Variants in XKR7 observed in about 807,000 individuals in gnomAD.
XKR7 encodes XK-related protein 7.
Under a neutral mutation model 42.2 loss-of-function variants are expected in XKR7, and 11 were observed. That is an observed-to-expected ratio of 0.26 (90% CI 0.16 to 0.43). XKR7 has a LOEUF of 0.43. Ranked by LOEUF, XKR7 falls within the 20% of genes least tolerant of loss-of-function variation. The probability of loss-of-function intolerance (pLI) is 1.00; values close to 1 mark genes in which losing one functional copy is unlikely to be tolerated. For missense variants in XKR7, 710 were observed against 802.2 expected (o/e 0.89, Z 1.39); for synonymous variants, 346 against 366.4 (o/e 0.94, Z 0.64).
chr20:31,973,787 A>G (rs6061067), intron 1 of XKR7, among the ~76,000 whole-genome samples: 8 of 152,306 alleles, frequency 5.3e-5, no homozygotes, highest in Non-Finnish European at 1.2e-4. Context: ...AGGCCATGGC[A>G]AGGACTAGGG....
intron 1 of XKR7, among the ~76,000 whole-genome samples, chr20:31,981,320 G>A (rs112557142): frequency 6.6e-5 from 10 of 152,172 alleles, no homozygotes; most frequent in South Asian, 2.1e-4. Flanking sequence ...GGGTTGCGGC[G>A]AGCTGAGATG....
Position 31,996,488 on chromosome 20 carries a change from C to A in XKR7, c.788-17C>A. 7.7e-7 allele frequency: 1 copy of A among 1,298,166 alleles called. No individual in the cohort carries two copies. Among genetic ancestry groups the A allele is most frequent in the Non-Finnish European group, 1.0e-6 (1 of 993,672 alleles). 80.4% of individuals were successfully genotyped at this position (1,298,166 alleles called of 1,614,324 possible). On this transcript the variant is annotated splice_polypyrimidine_tract_variant and intron_variant, in intron 2 of 2. Coordinates refer to ENST00000562532, the MANE Select transcript of XKR7 (RefSeq NM_001011718.2). ...GCCCCTAACCCAGCCCACCCCGCCC[C>A]TGCCCTGTCTCCACAGCCCTCTCCA...
intron 1 of XKR7, among the ~76,000 whole-genome samples, chr20:31,984,028 G>A (rs1207312928): frequency 1.3e-5 from 2 of 151,684 alleles, no homozygotes; most frequent in Admixed American, 6.6e-5. Context: ...TTGGGAGGCC[G>A]AGTCAAGTGG....
intron 1 of XKR7, among the ~76,000 whole-genome samples, chr20:31,985,366 G>T (rs1195597981): frequency 6.6e-6 from 1 of 152,150 alleles, no homozygotes; most frequent in African/African-American, 2.4e-5. Flanking sequence ...ACTCGGAAAT[G>T]CTGAGACCGA....
In XKR7 at chr20:32,001,496, CCT is replaced by C. The variant is rs1482812660; in HGVS notation, c.*4042_*4043del. ...AAGTCAGGGACAGAGGCTGTGGCTC[CCT>C]CTGAGACTTTGCTAGTCCAACCCTA... On this transcript the variant is annotated 3_prime_UTR_variant, in exon 3 of 3. Transcript: ENST00000562532. 1 of 152,168 alleles carries C rather than the reference CCT, an allele frequency of 6.6e-6. No individual in the cohort carries two copies. The highest frequency in any genetic ancestry group is 1.9e-4 in the East Asian group (1 of 5,188). The allele number at this position is 152,168 out of a possible 1,614,324, so 9.4% of individuals were successfully genotyped here. A position where few individuals can be genotyped will look rare whatever the true frequency, so the allele number is the denominator to read the frequency against.
At chr20:31,987,789 G>A (rs144713178) in intron 1 of XKR7, among the ~76,000 whole-genome samples, 286 of 152,302 alleles carry the variant, frequency 1.9e-3, no homozygotes, top group African/African-American at 6.8e-3. Flanking sequence ...GAAGCTCCTG[G>A]CCTCTAAGGG....
chr20:31,973,816 C>T lies in XKR7; in HGVS notation c.584+5057C>T, dbSNP rs555120075. Among the ~76,000 whole-genome samples the T allele has an allele frequency of 1.9e-4, 29 of 152,236 alleles. 1 individual carries two copies. Among genetic ancestry groups the T allele is most frequent in the African/African-American group, 6.7e-4 (28 of 41,534 alleles). On this transcript the variant is annotated intron_variant, in intron 1 of 2. Transcript: ENST00000562532. ...ACTAGGGCTTTTACTCTTCATGACA[C>T]GGGGAGCCCAGGATAATTTGGCCAG...
intron 1 of XKR7, among the ~76,000 whole-genome samples, chr20:31,978,254 C>T (rs1010652821): frequency 6.6e-6 from 1 of 152,130 alleles, no homozygotes; most frequent in African/African-American, 2.4e-5. Flanking sequence ...TACAGGTACA[C>T]ACCACCATGC....
chr20:31,990,777 A>AT (rs72387046), intron 1 of XKR7, among the ~76,000 whole-genome samples: 2,346 of 149,562 alleles, frequency 0.016, 53 homozygotes, highest in African/African-American at 0.054. Context: ...TTTGGAGCCA[A>AT]TTTTTTTTTT....
rs1439160905 is a variant in XKR7 at position 31,983,718 on chromosome 20, AGGC to A, written c.585-11347_585-11345del. ...TCCTAGCAGTTTGGGAGGCCGAGGC[AGGC>A]GGATCACCTGAGGTCAGGAGTTCGA... On this transcript the variant is annotated intron_variant, in intron 1 of 2. Transcript: ENST00000562532. Among the ~76,000 whole-genome samples, 22 of 152,256 alleles carry A rather than the reference AGGC, an allele frequency of 1.4e-4. No individual in the cohort carries two copies. In the South Asian group the frequency reaches 4.6e-3, roughly 32 times the overall value.
At chr20:31,991,184 C>T (rs564653564) in intron 1 of XKR7, among the ~76,000 whole-genome samples, 1 of 152,202 alleles carries the variant, frequency 6.6e-6, no homozygotes, top group Non-Finnish European at 1.5e-5. Flanking sequence ...GACCCGGGCC[C>T]GGAAACAGAT....
chr20:31,987,345 C>T (rs2064547141), intron 1 of XKR7, among the ~76,000 whole-genome samples: 1 of 149,862 alleles, frequency 6.7e-6, no homozygotes, highest in Admixed American at 6.6e-5. Context: ...ACCAAGCAGA[C>T]CCAGCATCCA....
At chr20:31,977,659 G>A (rs1600656856) in intron 1 of XKR7, among the ~76,000 whole-genome samples, 1 of 152,188 alleles carries the variant, frequency 6.6e-6, no homozygotes, top group African/African-American at 2.4e-5. Flanking sequence ...ATGGGGTTAG[G>A]ACAGGGGCAT....
intron 1 of XKR7, among the ~76,000 whole-genome samples, chr20:31,990,214 G>GT (rs1491566309): frequency 6.7e-6 from 1 of 148,474 alleles, no homozygotes; most frequent in Admixed American, 6.7e-5. Flanking sequence ...GTGTGTGTGT[G>GT]GAAACAGGGA....
At chr20:31,994,557 TTAGCCTGGTGTAGTGGTA>T (rs2064582592) in intron 1 of XKR7, among the ~76,000 whole-genome samples, 1 of 152,082 alleles carries the variant, frequency 6.6e-6, no homozygotes, top group Non-Finnish European at 1.5e-5. Flanking sequence ...AATTTAAAAA[TTAGCCTGGTGTAGTGGTA>T]CATGCCTGCA....
chr20:31,995,121 T>C lies in XKR7; in HGVS notation c.638T>C (p.Leu213Pro), dbSNP rs2064585199. ...CAGAGCCGCTGGCGCGGGGAGCGGC[T>C]GCGGCGCCACTTCTACTGGCAGATG... Reference protein sequence around the residue: ...GLQSRWRGERLRRHFYWQMLF... With the variant: ...GLQSRWRGERPRRHFYWQMLF... The change falls in exon 2 of 3, where the codon CTG becomes CCG. Residue 213 changes from leucine to proline, a missense_variant. Coordinates refer to ENST00000562532, the MANE Select transcript of XKR7 (RefSeq NM_001011718.2). The surrounding 1 kb of genome is among the most constrained non-coding windows in gnomAD (Gnocchi z 4.1). 4 of 1,557,694 alleles carry C rather than the reference T, an allele frequency of 2.6e-6. No individual in the cohort carries two copies. The highest frequency in any genetic ancestry group is 2.7e-5 in the African/African-American group (2 of 73,476).
At position 31,996,998 on chromosome 20, in the gene XKR7, G is replaced by A. The variant is rs1361122858; in HGVS notation, c.1281G>A (p.Leu427=). 1 of 1,614,132 alleles carries A rather than the reference G, an allele frequency of 6.2e-7. No individual in the cohort carries two copies. ...MVCVVASSFA[L]GIFFMCVYYC... Reference sequence around the variant, plus strand: ...GCGTAGTGGCCTCCAGCTTTGCGCTGGGCATATTCTTCATGTGTGTCTACT... The same window carrying A: ...GCGTAGTGGCCTCCAGCTTTGCGCTAGGCATATTCTTCATGTGTGTCTACT... Residue 427 remains leucine, a synonymous_variant, in exon 3 of 3, where the codon CTG becomes CTA. Transcript: ENST00000562532.
At chr20:31,984,190 C>T (rs371800093) in intron 1 of XKR7, among the ~76,000 whole-genome samples, 2 of 147,628 alleles carry the variant, frequency 1.4e-5, no homozygotes, top group East Asian at 4.0e-4. Flanking sequence ...GAACCCGGGA[C>T]GTGGAGGTTG....
rs73245435 is a variant in XKR7 at position 31,969,303 on chromosome 20, G to T, written c.584+544G>T. ...GGACTTTTTGGAGAAAGATATGCTG[G>T]ACCCAACTGGGGAGCCCTCAGGCTC... is the stretch of plus-strand genomic sequence containing the variant. On this transcript the variant is annotated intron_variant, in intron 1 of 2. Transcript: ENST00000562532. Among the ~76,000 whole-genome samples, 1,248 of 152,266 alleles carry T rather than the reference G, an allele frequency of 8.2e-3. 17 individuals carry two copies. The highest frequency in any genetic ancestry group is 0.028 in the African/African-American group (1,183 of 41,538).
Sources: allele counts gnomAD v4.1 joint callset (sites outside exome capture counted in the v4.1 genomes callset), GRCh38; gene constraint gnomAD v4.1.1; non-coding constraint Gnocchi (gnomAD v3.1); transcripts MANE v1.5; gene names NCBI Gene and HGNC (gene_info 2026-07-23, HGNC 2026-07-21).